TMEM38B: variants seen among roughly 807,000 people sequenced by gnomAD.
The protein encoded by TMEM38B is transmembrane protein 38B, also known as trimeric intracellular cation channel type B.
A neutral mutation model predicts 28.7 loss-of-function variants in TMEM38B; 24 were observed. The ratio of observed to expected loss-of-function variants is 0.84; its 90% CI spans 0.61 to 1.18. The LOEUF is 1.18. Among genes scored for constraint, TMEM38B ranks in the 50% most tolerant of loss-of-function variants. The pLI is 0.00. For missense variants in TMEM38B, 380 were observed against 350.9 expected (o/e 1.08, Z -0.66); for synonymous variants, 131 against 127.7 (o/e 1.03, Z -0.17).
chr9:105,767,547 A>G (rs1588478396), intron 5 of TMEM38B, among the ~76,000 whole-genome samples: 1 of 152,224 alleles, frequency 6.6e-6, no homozygotes, highest in African/African-American at 2.4e-5. Flanking sequence ...GATCTTAAAA[A>G]GATTTAGTCT....
chr9:105,765,256 G>A (rs1480796103), intron 5 of TMEM38B, among the ~76,000 whole-genome samples: 1 of 152,190 alleles, frequency 6.6e-6, no homozygotes, highest in East Asian at 1.9e-4. Flanking sequence ...CTTTAGCAAA[G>A]TAGCATTTAA....
chr9:105,759,452 T>G, intron 5 of TMEM38B: 1 of 1,564,456 alleles, frequency 6.4e-7, no homozygotes, highest in Non-Finnish European at 8.6e-7. Context: ...GCTAAGAAAA[T>G]GCAGCTAGTT....
intron 2 of TMEM38B, chr9:105,710,407 A>G (rs1167998970): frequency 2.4e-5 from 24 of 990,594 alleles, no homozygotes; most frequent in Non-Finnish European, 3.5e-5. Flanking sequence ...TCCTTCTTTC[A>G]TAACTTCGGC....
At chr9:105,709,238 T>G (rs756187717) in intron 2 of TMEM38B, among the ~76,000 whole-genome samples, 2 of 152,128 alleles carry the variant, frequency 1.3e-5, no homozygotes, top group Non-Finnish European at 2.9e-5. Flanking sequence ...ATGTGTTTGG[T>G]GAGGCTGAGT....
intron 5 of TMEM38B, chr9:105,760,271 G>A (rs1837992568): frequency 1.3e-6 from 1 of 792,336 alleles, no homozygotes. Context: ...ACCTTTTCTC[G>A]ATGTGTGCTA....
At chr9:105,726,853 C>T (rs937398682) in intron 4 of TMEM38B, among the ~76,000 whole-genome samples, 1 of 151,716 alleles carries the variant, frequency 6.6e-6, no homozygotes, top group African/African-American at 2.4e-5. Context: ...TTATTGTTTC[C>T]TCTAGTCCTT....
In TMEM38B at chr9:105,773,873, G is replaced by C. The variant is rs1326649767; in HGVS notation, c.669G>C (p.Met223Ile). ...TIFIVATKITMMTTQTSTMTF... is the reference protein window; with the variant it reads ...TIFIVATKITIMTTQTSTMTF... ...AAACTTTTTTCCCCCAGATAACCAT[G>C]ATGACTACACAGACTTCTACTATGA... is the stretch of plus-strand genomic sequence containing the variant. Residue 223 changes from methionine (M) to isoleucine (I), a missense_variant, in exon 6 of 6, where the codon ATG (methionine) becomes ATC (isoleucine). By Grantham distance (10) the Met-to-Ile change is conservative (BLOSUM62 1). Coordinates refer to ENST00000374692, the MANE Select transcript of TMEM38B (RefSeq NM_018112.3). The C allele has an allele frequency of 1.9e-6, 3 of 1,609,372 alleles. No individual in the cohort carries two copies. The African/African-American group carries it at 4.0e-5, about 22-fold the overall frequency.
rs571840672 is a variant in TMEM38B, at chr9:105,694,595, C to A, written c.-66C>A. 2.9e-6 allele frequency: 4 copies of A among 1,387,490 alleles called. No individual in the cohort carries two copies. Among genetic ancestry groups the A allele is most frequent in the Non-Finnish European group, 4.1e-6 (4 of 978,900 alleles). 85.9% of individuals were successfully genotyped at this position (1,387,490 alleles called of 1,614,324 possible). A position where few individuals can be genotyped will look rare whatever the true frequency, so the allele number is the denominator to read the frequency against. ...GGCCGCGGCTGTGCCCTCTCCTACT[C>A]CTCACCGCGCGAGCGCGGGGAACCA... On this transcript the variant is annotated 5_prime_UTR_variant, in exon 1 of 6. Transcript: ENST00000374692.
rs1837550447 is a variant in TMEM38B at position 105,749,170 on chromosome 9, T to C, written c.660+980T>C. ...GTAGTCTCTTCCAGTCCTCAAATGT[T>C]GAGCCGTGTATATTTTTTTCTAACA... On this transcript the variant is annotated intron_variant, in intron 5 of 5. Transcript: ENST00000374692. The C allele has an allele frequency of 4.1e-6, 5 of 1,213,046 alleles. No individual in the cohort carries two copies. The South Asian group carries it at 6.6e-5, about 16-fold the overall frequency. The allele number at this position is 1,213,046 out of a possible 1,614,324, so 75.1% of individuals were successfully genotyped here. A position where few individuals can be genotyped will look rare whatever the true frequency, so the allele number is the denominator to read the frequency against.
intron 2 of TMEM38B, among the ~76,000 whole-genome samples, chr9:105,716,830 T>A (rs1008357832): frequency 6.6e-6 from 1 of 152,208 alleles, no homozygotes; most frequent in African/African-American, 2.4e-5. Context: ...TGTGGCTTAA[T>A]TATAAGAATA....
Position 105,721,561 on chromosome 9 carries a change from T to C in TMEM38B, c.294T>C (p.His98=). The change falls in exon 3 of 6, where the codon CAT becomes CAC. Residue 98 remains histidine, a synonymous_variant. Transcript: ENST00000374692. The part of the protein sequence containing the change: ...SIWYITFFCP[H]DLVSQGYSYL... ...GGTATATTACATTTTTTTGCCCGCA[T>C]GACCTAGTTTCCCAGGGCTATTCAT... 6.2e-7 allele frequency: 1 copy of C among 1,604,382 alleles called. No individual in the cohort carries two copies. Among genetic ancestry groups the C allele is most frequent in the Non-Finnish European group, 8.5e-7 (1 of 1,175,754 alleles).
intron 5 of TMEM38B, chr9:105,759,384 A>G (rs992233624): frequency 2.6e-5 from 38 of 1,434,680 alleles, no homozygotes; most frequent in Non-Finnish European, 3.7e-5. Flanking sequence ...AGAAAAAAGA[A>G]GAATAAGATT....
chr9:105,723,191 A>G (rs1836382634), intron 4 of TMEM38B, among the ~76,000 whole-genome samples: 1 of 152,100 alleles, frequency 6.6e-6, no homozygotes, highest in South Asian at 2.1e-4. Flanking sequence ...GCATCTATTT[A>G]AGATAATCTG....
chr9:105,770,766 A>G (rs1011136279), intron 5 of TMEM38B, among the ~76,000 whole-genome samples: 1 of 152,144 alleles, frequency 6.6e-6, no homozygotes, highest in African/African-American at 2.4e-5. Flanking sequence ...CACGAGTTAC[A>G]CTGAAAAGGA....
At chr9:105,724,237 T>G (rs965840200) in intron 4 of TMEM38B, among the ~76,000 whole-genome samples, 11 of 152,166 alleles carry the variant, frequency 7.2e-5, no homozygotes, top group African/African-American at 2.7e-4. Context: ...GGAAAAGACT[T>G]AGAGAATGGT....
intron 2 of TMEM38B, among the ~76,000 whole-genome samples, chr9:105,706,145 C>T (rs1358575342): frequency 2.6e-5 from 4 of 152,254 alleles, no homozygotes; most frequent in East Asian, 3.9e-4. Flanking sequence ...GTGATCTGCC[C>T]GCCTCGGCCT....
chr9:105,774,141 G>T lies in TMEM38B; in HGVS notation c.*61G>T. 7.2e-7 allele frequency: 1 copy of T among 1,395,516 alleles called. No homozygotes were observed. The highest frequency in any genetic ancestry group is 9.9e-7 in the Non-Finnish European group (1 of 1,014,492). The allele number at this position is 1,395,516 out of a possible 1,614,324, so 86.4% of individuals were successfully genotyped here. A position where few individuals can be genotyped will look rare whatever the true frequency, so the allele number is the denominator to read the frequency against. On this transcript the variant is annotated 3_prime_UTR_variant, in exon 6 of 6. Coordinates refer to ENST00000374692, the MANE Select transcript of TMEM38B (RefSeq NM_018112.3). ...TTTTCTTATCTACCTGTTATATTGT[G>T]CTAATTTTTCTATGTATGTGATGTG...
chr9:105,734,310 A>T (rs1311780335), intron 4 of TMEM38B, among the ~76,000 whole-genome samples: 1 of 152,058 alleles, frequency 6.6e-6, no homozygotes, highest in African/African-American at 2.4e-5. Flanking sequence ...ATGACACTTG[A>T]TGTGACTTTA....
chr9:105,772,329 A>G (rs766915410), intron 5 of TMEM38B, among the ~76,000 whole-genome samples: 186 of 152,276 alleles, frequency 1.2e-3, no homozygotes, highest in Non-Finnish European at 2.2e-3. Context: ...TTTGGGCTGT[A>G]TTGACCTCAG....
Sources: allele counts gnomAD v4.1 joint callset (sites outside exome capture counted in the v4.1 genomes callset), GRCh38; gene constraint gnomAD v4.1.1; transcripts MANE v1.5; gene names NCBI Gene and HGNC (gene_info 2026-07-23, HGNC 2026-07-21).